The following IL1RAPL1 variants were observed in gnomAD, a reference collection of about 807,000 sequenced individuals.
IL1RAPL1 encodes interleukin-1 receptor accessory protein-like 1.
Under a neutral mutation model 48.4 loss-of-function variants are expected in IL1RAPL1, and 3 were observed. The observed-to-expected ratio is 0.06, with a 90% CI of 0.03 to 0.16. The LOEUF is 0.16. Among genes scored for constraint, IL1RAPL1 ranks in the 10% least tolerant of loss-of-function variants. IL1RAPL1 has a pLI of 1.00. For missense variants in IL1RAPL1, 349 were observed against 530.6 expected, an observed-to-expected ratio of 0.66 and a Z score of 3.36; for synonymous variants, 185 against 187.7, an observed-to-expected ratio of 0.99 and a Z score of 0.12.
In IL1RAPL1 at chrX:29,772,188, C is replaced by A. The variant is rs774826084; in HGVS notation, c.778+103684C>A. ...ATCCATTGAGTCCAGGAGCTCGAGG[C>A]TGTAGTGAGCCCTGATTGCACCACT... On this transcript the variant is annotated intron_variant, in intron 6 of 10. Coordinates refer to ENST00000378993, the MANE Select transcript of IL1RAPL1 (RefSeq NM_014271.4). Among the ~76,000 whole-genome samples the A allele has an allele frequency of 1.1e-4, 12 of 107,018 alleles. No homozygotes were observed. In the East Asian group the frequency reaches 3.5e-3, roughly 31 times the overall value. 92.9% of individuals were successfully genotyped at this position (107,018 alleles called of 115,157 possible). A position where few individuals can be genotyped will look rare whatever the true frequency, so the allele number is the denominator to read the frequency against.
chrX:29,892,854 T>A (rs1932297434), intron 6 of IL1RAPL1, among the ~76,000 whole-genome samples: 1 of 112,225 alleles, frequency 8.9e-6, no homozygotes, highest in Non-Finnish European at 1.9e-5. Context: ...AACCTTGAGT[T>A]TAGCAATGCT....
chrX:28,753,311 A>C (rs1281210935), intron 1 of IL1RAPL1, among the ~76,000 whole-genome samples: 1 of 112,373 alleles, frequency 8.9e-6, no homozygotes, highest in Non-Finnish European at 1.9e-5. Context: ...TGCCTATTGA[A>C]TTTCTTTCAT....
rs181023656 is a variant in IL1RAPL1 at position 29,309,140 on chromosome X, T to C, written c.362+25923T>C. Among the ~76,000 whole-genome samples, 1,046 of 112,411 alleles carry C rather than the reference T, an allele frequency of 9.3e-3. 5 individuals carry two copies. The highest frequency in any genetic ancestry group is 0.018 in the Middle Eastern group (4 of 217). On this transcript the variant is annotated intron_variant, in intron 3 of 10. Transcript: ENST00000378993. Reference sequence around the variant, plus strand: ...GTCAAAGCGATACTGCACCAGGCATTTGTTAAAAAAATGGCAAGGAAAACT... The same window carrying C: ...GTCAAAGCGATACTGCACCAGGCATCTGTTAAAAAAATGGCAAGGAAAACT...
At chrX:29,517,781 A>G (rs1396612494) in intron 5 of IL1RAPL1, among the ~76,000 whole-genome samples, 1 of 112,024 alleles carries the variant, frequency 8.9e-6, no homozygotes, top group Non-Finnish European at 1.9e-5. Context: ...GTCCCTTTCA[A>G]AAAATACATC....
At chrX:29,729,645 C>G (rs1927866445) in intron 6 of IL1RAPL1, among the ~76,000 whole-genome samples, 1 of 111,761 alleles carries the variant, frequency 8.9e-6, no homozygotes, top group African/African-American at 3.3e-5. Context: ...TCCACCTTCC[C>G]ATTACCTCCA....
At chrX:29,090,364 A>G (rs1928063158) in intron 2 of IL1RAPL1, among the ~76,000 whole-genome samples, 1 of 112,050 alleles carries the variant, frequency 8.9e-6, no homozygotes. Flanking sequence ...TTTTGGAGAA[A>G]GCATTTTAAG....
chrX:29,736,524 C>G (rs1337033292), intron 6 of IL1RAPL1, among the ~76,000 whole-genome samples: 2 of 111,898 alleles, frequency 1.8e-5, no homozygotes, highest in Non-Finnish European at 3.8e-5. Flanking sequence ...TCAGGAGTTT[C>G]AGACCAGCCT....
At chrX:29,474,635 A>G (rs1391031021) in intron 5 of IL1RAPL1, among the ~76,000 whole-genome samples, 1 of 111,975 alleles carries the variant, frequency 8.9e-6, no homozygotes, top group East Asian at 2.8e-4. Context: ...TCGCATGGTC[A>G]GAGAGGGAAT....
At chrX:29,556,858 T>C (rs897363290) in intron 5 of IL1RAPL1, among the ~76,000 whole-genome samples, 3 of 111,860 alleles carry the variant, frequency 2.7e-5, no homozygotes, top group Non-Finnish European at 3.8e-5. Flanking sequence ...ATTCAGTCTA[T>C]GTATCAGAAT....
At chrX:29,784,711 C>G (rs1190014873) in intron 6 of IL1RAPL1, among the ~76,000 whole-genome samples, 9 of 109,461 alleles carry the variant, frequency 8.2e-5, no homozygotes, top group Non-Finnish European at 1.3e-4. Context: ...AGTGAGGTTT[C>G]CAGCTGAGAG....
chrX:28,795,241 T>C (rs1406573304), intron 2 of IL1RAPL1, among the ~76,000 whole-genome samples: 1 of 111,859 alleles, frequency 8.9e-6, no homozygotes, highest in African/African-American at 3.2e-5. Flanking sequence ...TCTAGAGTAA[T>C]TTTAATATTC....
chrX:29,632,467 A>T (rs1924809546), intron 5 of IL1RAPL1, among the ~76,000 whole-genome samples: 1 of 111,557 alleles, frequency 9.0e-6, no homozygotes, highest in Non-Finnish European at 1.9e-5. Context: ...TCAATAAACT[A>T]TTTATTTCAC....
In IL1RAPL1 at chrX:29,138,891, T is replaced by G. The variant is rs780560147; in HGVS notation, c.83-144047T>G. ...AATCTTTAATGTTATAATTTGTGTT[T>G]GAATTATGAAGGATATATTGAATAA... is the stretch of plus-strand genomic sequence containing the variant. On this transcript the variant is annotated intron_variant, in intron 2 of 10. Transcript: ENST00000378993. Among the ~76,000 whole-genome samples, 5 of 111,712 alleles carry G rather than the reference T, an allele frequency of 4.5e-5. No individual in the cohort carries two copies. In the South Asian group the frequency reaches 1.9e-3, roughly 41 times the overall value.
chrX:29,188,836 CG>C (rs1267838695), intron 2 of IL1RAPL1, among the ~76,000 whole-genome samples: 2 of 110,998 alleles, frequency 1.8e-5, no homozygotes, highest in Non-Finnish European at 1.9e-5. Flanking sequence ...CTACCAGCTT[CG>C]GCCTCAATGT....
chrX:28,845,638 CTG>C (rs1217550252), intron 2 of IL1RAPL1, among the ~76,000 whole-genome samples: 6 of 111,567 alleles, frequency 5.4e-5, no homozygotes, highest in African/African-American at 2.0e-4. Flanking sequence ...ACATTTTTGA[CTG>C]TAGCATTTCA....
chrX:29,332,095 C>CTTTTTTTTTTTTTTTTTTTT (rs72360733), intron 3 of IL1RAPL1, among the ~76,000 whole-genome samples: 2 of 27,888 alleles, frequency 7.2e-5, no homozygotes, highest in African/African-American at 2.1e-4. Context: ...ATTCTAAGGT[C>CTTTTTTTTTTTTTTTTTTTT]TTTTTTTTTT....
At chrX:29,055,436 G>A (rs1319122311) in intron 2 of IL1RAPL1, among the ~76,000 whole-genome samples, 1 of 111,540 alleles carries the variant, frequency 9.0e-6, no homozygotes, top group Non-Finnish European at 1.9e-5. Context: ...ATGTAGCCAC[G>A]TTCCTAATTC....
intron 1 of IL1RAPL1, among the ~76,000 whole-genome samples, chrX:28,629,888 A>G (rs1934380370): frequency 8.9e-6 from 1 of 112,006 alleles, no homozygotes; most frequent in South Asian, 3.7e-4. Flanking sequence ...CTTTGCAGTC[A>G]TCCTATTCAA....
At chrX:28,914,013 T>C (rs1426575594) in intron 2 of IL1RAPL1, among the ~76,000 whole-genome samples, 1 of 111,677 alleles carries the variant, frequency 9.0e-6, no homozygotes, top group African/African-American at 3.3e-5. Flanking sequence ...AATACTACCT[T>C]GTGTTTTTAT....
Sources: allele counts gnomAD v4.1 joint callset (sites outside exome capture counted in the v4.1 genomes callset), GRCh38; gene constraint gnomAD v4.1.1; transcripts MANE v1.5; gene names NCBI Gene and HGNC (gene_info 2026-07-23, HGNC 2026-07-21).